MAGI2: variants seen among roughly 807,000 people sequenced by gnomAD.
MAGI2 encodes membrane associated guanylate kinase, WW and PDZ domain containing 2.
In MAGI2, 35 loss-of-function variants were observed where a neutral mutation model predicts 133.3. The ratio of observed to expected loss-of-function variants is 0.26; its 90% CI spans 0.20 to 0.35. MAGI2 has a LOEUF of 0.35. Ranked by LOEUF, MAGI2 falls within the 10% of genes least tolerant of loss-of-function variation. The probability of loss-of-function intolerance (pLI) is 1.00; values close to 1 mark genes in which losing one functional copy is unlikely to be tolerated. For missense variants in MAGI2, 1,636 were observed against 1,863.4 expected (o/e 0.88, Z 2.25); for synonymous variants, 729 against 710.6 (o/e 1.03, Z -0.41).
chr7:78,414,603 A>C lies in MAGI2; in HGVS notation c.1046-45390T>G, dbSNP rs138971164. 3.5e-3 allele frequency among the ~76,000 whole-genome samples: 524 copies of C among 151,618 alleles called. 5 individuals carry two copies. The highest frequency in any genetic ancestry group is 0.012 in the African/African-American group (501 of 41,132). On this transcript the variant is annotated intron_variant, in intron 6 of 21. Coordinates refer to ENST00000354212, the MANE Select transcript of MAGI2 (RefSeq NM_012301.4). ...TAAAACATTAGATTTTTTTTTCCTT[A>C]ACACACACATGCTGTTGTACACATA...
intron 1 of MAGI2, among the ~76,000 whole-genome samples, chr7:79,044,839 C>G (rs1227733056): frequency 6.6e-6 from 1 of 152,136 alleles, no homozygotes; most frequent in East Asian, 1.9e-4. Context: ...TATAAAATGG[C>G]ATAACCACTT....
chr7:78,460,975 C>T (rs1477521037), intron 6 of MAGI2, among the ~76,000 whole-genome samples: 1 of 151,916 alleles, frequency 6.6e-6, no homozygotes, highest in Non-Finnish European at 1.5e-5. Flanking sequence ...CTCACACACA[C>T]ACCCTTCTTT....
At chr7:79,321,716 C>G (rs1376732068) in intron 1 of MAGI2, among the ~76,000 whole-genome samples, 1 of 152,102 alleles carries the variant, frequency 6.6e-6, no homozygotes, top group Non-Finnish European at 1.5e-5. Flanking sequence ...GAGACTAGAA[C>G]AAAGTGATAT....
chr7:79,125,741 C>G (rs914090841), intron 1 of MAGI2: 1 of 515,686 alleles, frequency 1.9e-6, no homozygotes, highest in Non-Finnish European at 3.8e-6. Context: ...AAGGCCAATA[C>G]TTTGCCAAGC....
At chr7:78,559,406 A>G (rs976599400) in intron 3 of MAGI2, among the ~76,000 whole-genome samples, 2 of 152,160 alleles carry the variant, frequency 1.3e-5, no homozygotes, top group Non-Finnish European at 2.9e-5. Flanking sequence ...AAAAGGGTCA[A>G]TAATAGGTAC....
intron 1 of MAGI2, among the ~76,000 whole-genome samples, chr7:79,089,459 T>C (rs1816852133): frequency 6.6e-6 from 1 of 152,192 alleles, no homozygotes; most frequent in East Asian, 1.9e-4. Context: ...ACTGGGTATA[T>C]ACCCAAAAGA....
At chr7:78,841,982 A>AT (rs1792183637) in intron 2 of MAGI2, among the ~76,000 whole-genome samples, 1 of 151,928 alleles carries the variant, frequency 6.6e-6, no homozygotes, top group Non-Finnish European at 1.5e-5. Flanking sequence ...AAGAGTCCAA[A>AT]CTATCAGTAC....
chr7:78,958,033 C>T (rs761731788), intron 2 of MAGI2, among the ~76,000 whole-genome samples: 9 of 152,148 alleles, frequency 5.9e-5, no homozygotes, highest in Non-Finnish European at 1.2e-4. Flanking sequence ...TCCGACTAAG[C>T]CACCCAATTA....
At chr7:78,412,565 G>A (rs756762657) in intron 6 of MAGI2, among the ~76,000 whole-genome samples, 1 of 152,016 alleles carries the variant, frequency 6.6e-6, no homozygotes, top group African/African-American at 2.4e-5. Context: ...CAGCATTAGC[G>A]GGGTGTGAAA....
At chr7:78,472,728 C>T (rs559644241) in intron 6 of MAGI2, among the ~76,000 whole-genome samples, 1 of 152,228 alleles carries the variant, frequency 6.6e-6, no homozygotes, top group Non-Finnish European at 1.5e-5. Flanking sequence ...GCATGAATTC[C>T]CAAGTTGCAC....
rs542686024 is a variant in MAGI2, at chr7:79,373,705, C to G, written c.301+79315G>C. Among the ~76,000 whole-genome samples the G allele has an allele frequency of 1.3e-4, 19 of 151,742 alleles. 2 individuals are homozygous for G. In the South Asian group the frequency reaches 4.0e-3, roughly 32 times the overall value. ...CATTATTTACAGGAAAGAGTGACAA[C>G]TTTTAAAATTTTAATTTGATAATTT... On this transcript the variant is annotated intron_variant, in intron 1 of 21. Transcript: ENST00000354212.
At chr7:78,446,023 G>A (rs1027770860) in intron 6 of MAGI2, among the ~76,000 whole-genome samples, 16 of 116,356 alleles carry the variant, frequency 1.4e-4, no homozygotes, top group Admixed American at 7.3e-4. Flanking sequence ...TCCAAGCTCT[G>A]CCAGTTTCTA....
intron 2 of MAGI2, among the ~76,000 whole-genome samples, chr7:78,870,811 C>A (rs1466836479): frequency 6.6e-6 from 1 of 152,052 alleles, no homozygotes; most frequent in Non-Finnish European, 1.5e-5. Flanking sequence ...TGCCCATCAA[C>A]CAACAAATGG....
At chr7:78,494,029 T>C (rs964598848) in intron 5 of MAGI2, among the ~76,000 whole-genome samples, 3 of 151,912 alleles carry the variant, frequency 2.0e-5, no homozygotes, top group African/African-American at 4.8e-5. Context: ...CAGGCAGGAG[T>C]GCAATGGCAT....
intron 1 of MAGI2, among the ~76,000 whole-genome samples, chr7:79,249,675 A>T (rs952421313): frequency 6.6e-6 from 1 of 152,124 alleles, no homozygotes; most frequent in Non-Finnish European, 1.5e-5. Flanking sequence ...CAGCAAAGAA[A>T]ATCCTGAGAC....
At chr7:78,521,267 A>T (rs1336931530) in intron 4 of MAGI2, among the ~76,000 whole-genome samples, 163 bp downstream of exon 4, 2 of 152,136 alleles carry the variant, frequency 1.3e-5, no homozygotes, top group Non-Finnish European at 2.9e-5. Context: ...CTTTGAAGAT[A>T]ATTATAATAA....
intron 3 of MAGI2, among the ~76,000 whole-genome samples, chr7:78,613,534 C>T (rs987962890): frequency 6.6e-6 from 1 of 152,168 alleles, no homozygotes; most frequent in African/African-American, 2.4e-5. Flanking sequence ...ACAAAGGACT[C>T]TTGATTCTCA....
chr7:78,924,004 T>C (rs1799482593), intron 2 of MAGI2, among the ~76,000 whole-genome samples: 2 of 152,158 alleles, frequency 1.3e-5, no homozygotes, highest in South Asian at 4.1e-4. Context: ...TTGTCTGTTA[T>C]TGGTGTATAA....
At chr7:78,230,669 G>C (rs1789875484) in intron 10 of MAGI2, among the ~76,000 whole-genome samples, 1 of 152,114 alleles carries the variant, frequency 6.6e-6, no homozygotes, top group Admixed American at 6.5e-5. Flanking sequence ...GGCAGCTTGG[G>C]TAATTAATTC....
Sources: allele counts gnomAD v4.1 joint callset (sites outside exome capture counted in the v4.1 genomes callset), GRCh38; gene constraint gnomAD v4.1.1; transcripts MANE v1.5; gene names NCBI Gene and HGNC (gene_info 2026-07-23, HGNC 2026-07-21).